The following PTPN1 variants were observed in gnomAD, a reference collection of about 807,000 sequenced individuals.
PTPN1 encodes tyrosine-protein phosphatase non-receptor type 1.
PTPN1 carries 12 observed loss-of-function variants against 59.9 expected under a neutral mutation model. The ratio of observed to expected loss-of-function variants is 0.20; its 90% CI spans 0.13 to 0.32. The LOEUF (loss-of-function observed/expected upper bound fraction) is 0.32, where lower values mean the gene tolerates loss of function less well. Among genes scored for constraint, PTPN1 ranks in the 10% least tolerant of loss-of-function variants. The pLI, the probability that PTPN1 is intolerant of heterozygous loss-of-function variation, is 1.00. For missense variants in PTPN1, 356 were observed against 549.2 expected (o/e 0.65, Z 3.52); for synonymous variants, 178 against 203.6 (o/e 0.87, Z 1.07).
chr20:50,576,559 C>T (rs2082837620), intron 5 of PTPN1, among the ~76,000 whole-genome samples: 1 of 152,146 alleles, frequency 6.6e-6, no homozygotes, highest in Non-Finnish European at 1.5e-5. Flanking sequence ...ATGCTTGCTT[C>T]TTATTCAATT....
intron 1 of PTPN1, among the ~76,000 whole-genome samples, chr20:50,548,020 AC>A (rs1428415878): frequency 6.6e-6 from 1 of 152,208 alleles, no homozygotes; most frequent in Non-Finnish European, 1.5e-5. Context: ...ATTGTAATTT[AC>A]TTTGAAGATT....
Position 50,583,203 on chromosome 20 carries a change from T to G in PTPN1, c.*488T>G, listed in dbSNP as rs2082878384. 6.3e-6 allele frequency: 1 copy of G among 158,416 alleles called. No individual in the cohort carries two copies. Among genetic ancestry groups the G allele is most frequent in the Non-Finnish European group, 1.4e-5 (1 of 71,868 alleles). The allele number at this position is 158,416 out of a possible 1,614,324, so 9.8% of individuals were successfully genotyped here. ...TATTAAAATTTTTTGATGTCAGCCTTGCATCAAGGGCTTTATCAAAAAGTA... is the reference window on the plus strand; with the variant it reads ...TATTAAAATTTTTTGATGTCAGCCTGGCATCAAGGGCTTTATCAAAAAGTA... On this transcript the variant is annotated 3_prime_UTR_variant, in exon 10 of 10. Coordinates refer to ENST00000371621, the MANE Select transcript of PTPN1 (RefSeq NM_002827.4).
intron 1 of PTPN1, chr20:50,558,119 G>A (rs2082734194): frequency 6.6e-6 from 1 of 152,130 alleles, no homozygotes; most frequent in African/African-American, 2.4e-5. Context: ...ATAGACGCAT[G>A]CCACCACACC....
intron 1 of PTPN1, among the ~76,000 whole-genome samples, chr20:50,515,004 A>G (rs1271197800): frequency 1.3e-5 from 2 of 152,160 alleles, no homozygotes; most frequent in African/African-American, 4.8e-5. Context: ...TGAGCCTGCA[A>G]TGGTTTCTAG....
At chr20:50,528,801 G>C (rs945698547) in intron 1 of PTPN1, among the ~76,000 whole-genome samples, 1 of 151,554 alleles carries the variant, frequency 6.6e-6, no homozygotes, top group African/African-American at 2.4e-5. Flanking sequence ...GAATAGATGA[G>C]AATGCTGTTT....
chr20:50,569,837 C>T (rs757813351), intron 4 of PTPN1, among the ~76,000 whole-genome samples: 61 of 152,268 alleles, frequency 4.0e-4, no homozygotes, highest in Non-Finnish European at 8.8e-5. Flanking sequence ...CCTGTGCAGG[C>T]GCAGGCCAGT....
At chr20:50,561,203 T>C (rs1285940403) in intron 1 of PTPN1, among the ~76,000 whole-genome samples, 160 bp from the exon 2 acceptor site, 3 of 152,236 alleles carry the variant, frequency 2.0e-5, no homozygotes, top group Non-Finnish European at 4.4e-5. Context: ...ACCCAAGGCC[T>C]GTGCTCATTC....
rs768082768 is a variant in PTPN1 at position 50,579,843 on chromosome 20, G to A, written c.1005G>A (p.Lys335=). Reference sequence around the variant, plus strand: ...TCTTCCCAAATCACCAGTGGGTGAAGGAAGAGACCCAGGAGGATAAAGACT... The same window carrying A: ...TCTTCCCAAATCACCAGTGGGTGAAAGAAGAGACCCAGGAGGATAAAGACT... The part of the protein sequence containing the change: ...REFFPNHQWV[K]EETQEDKDCP... Residue 335 remains lysine, a synonymous_variant, in exon 8 of 10, where the codon AAG becomes AAA. Coordinates refer to ENST00000371621, the MANE Select transcript of PTPN1 (RefSeq NM_002827.4). 1.2e-6 allele frequency: 2 copies of A among 1,614,216 alleles called. No individual in the cohort carries two copies. Among genetic ancestry groups the A allele is most frequent in the South Asian group, 2.2e-5 (2 of 91,088 alleles).
chr20:50,511,218 G>A (rs2082505810), intron 1 of PTPN1, among the ~76,000 whole-genome samples: 1 of 152,224 alleles, frequency 6.6e-6, no homozygotes, highest in Admixed American at 6.5e-5. Context: ...GGGGCCTAGA[G>A]TCGAATAGGG....
intron 1 of PTPN1, among the ~76,000 whole-genome samples, chr20:50,523,136 G>A (rs1220449286): frequency 6.6e-6 from 1 of 152,054 alleles, no homozygotes; most frequent in African/African-American, 2.4e-5. Flanking sequence ...TATCGAATGT[G>A]GGGGAAGGGG....
Position 50,510,465 on chromosome 20 carries a change from G to A in PTPN1, c.-63G>A. ...GGCCTCGGGGCTAAGAGCGCGACGC[G>A]GCCTAGAGCGGCAGACGGCGCAGTG... On this transcript the variant is annotated 5_prime_UTR_variant, in exon 1 of 10. Coordinates refer to ENST00000371621, the MANE Select transcript of PTPN1 (RefSeq NM_002827.4). The A allele has an allele frequency of 6.6e-7, 1 of 1,526,424 alleles. No homozygotes were observed. The highest frequency in any genetic ancestry group is 1.4e-5 in the African/African-American group (1 of 71,812). 94.6% of individuals were successfully genotyped at this position (1,526,424 alleles called of 1,614,324 possible). A position where few individuals can be genotyped will look rare whatever the true frequency, so the allele number is the denominator to read the frequency against.
intron 1 of PTPN1, among the ~76,000 whole-genome samples, chr20:50,548,438 T>A (rs571552064): frequency 6.6e-6 from 1 of 152,220 alleles, no homozygotes; most frequent in Admixed American, 6.5e-5. Context: ...TCTTTTTTTT[T>A]TTTATTGAGA....
chr20:50,574,744 T>C (rs759985095), intron 5 of PTPN1, 90 bp downstream of exon 5: 6 of 1,456,834 alleles, frequency 4.1e-6, no homozygotes, highest in Non-Finnish European at 5.6e-6. Flanking sequence ...CTAATGTCAG[T>C]GTTCCTGGCT....
intron 1 of PTPN1, among the ~76,000 whole-genome samples, chr20:50,518,168 G>A (rs1182929403): frequency 1.3e-5 from 2 of 152,068 alleles, no homozygotes; most frequent in African/African-American, 4.8e-5. Flanking sequence ...AAGTCACTAC[G>A]TTACATTACA....
At chr20:50,550,825 A>G (rs948582581) in intron 1 of PTPN1, among the ~76,000 whole-genome samples, 6 of 152,242 alleles carry the variant, frequency 3.9e-5, no homozygotes, top group African/African-American at 1.4e-4. Context: ...CTTAGCAGAT[A>G]GCTTTAAAAT....
At chr20:50,555,078 C>A (rs1331236688) in intron 1 of PTPN1, among the ~76,000 whole-genome samples, 3 of 151,870 alleles carry the variant, frequency 2.0e-5, no homozygotes, top group African/African-American at 7.3e-5. Context: ...AGAAAAAGAA[C>A]AAATTAAATC....
intron 1 of PTPN1, among the ~76,000 whole-genome samples, chr20:50,515,454 AT>A (rs954931663): frequency 6.0e-5 from 9 of 150,284 alleles, no homozygotes; most frequent in Non-Finnish European, 7.4e-5. Flanking sequence ...CTTTACAAAC[AT>A]TTTTTTTTTA....
intron 1 of PTPN1, among the ~76,000 whole-genome samples, chr20:50,560,453 G>A (rs769469927): frequency 1.3e-5 from 2 of 152,082 alleles, no homozygotes; most frequent in Non-Finnish European, 2.9e-5. Flanking sequence ...AGCCTTGGGA[G>A]GAATCTGGAG....
chr20:50,519,170 G>A (rs117176164), intron 1 of PTPN1, among the ~76,000 whole-genome samples: 7,174 of 152,268 alleles, frequency 0.047, 241 homozygotes, highest in Middle Eastern at 0.075. Context: ...GAAAGTTTGA[G>A]TAACAGTATT....
Sources: gnomAD v4.1 joint callset for allele counts (sites outside exome capture counted in the v4.1 genomes callset) on GRCh38, gnomAD v4.1.1 for gene constraint, MANE v1.5 for transcripts, NCBI Gene and HGNC (gene_info 2026-07-23, HGNC 2026-07-21) for gene names.